Variants in CDYL observed in about 807,000 individuals in gnomAD.
CDYL encodes chromodomain Y like.
In CDYL, 8 loss-of-function variants were observed where a neutral mutation model predicts 47.3. The observed-to-expected ratio is 0.17, with a 90% CI of 0.10 to 0.31. The LOEUF (loss-of-function observed/expected upper bound fraction) is 0.31. Ranked by LOEUF, CDYL falls within the 10% of genes least tolerant of loss-of-function variation. The probability of loss-of-function intolerance (pLI) is 1.00; values close to 1 mark genes in which losing one functional copy is unlikely to be tolerated. For missense variants in CDYL, 471 were observed against 701.4 expected (o/e 0.67, Z 3.71); for synonymous variants, 266 against 265.0 (o/e 1.00, Z -0.04).
At chr6:4,805,133 T>C (rs928476515) in intron 1 of CDYL, among the ~76,000 whole-genome samples, 1 of 152,212 alleles carries the variant, frequency 6.6e-6, no homozygotes, top group African/African-American at 2.4e-5. Flanking sequence ...CTCAAAACAC[T>C]AAAAACTAGT....
intron 1 of CDYL, among the ~76,000 whole-genome samples, chr6:4,888,856 A>T (rs1473908217): frequency 6.6e-6 from 1 of 152,012 alleles, no homozygotes; most frequent in East Asian, 1.9e-4. Flanking sequence ...TGGCCCATTG[A>T]TTATTTAGCA....
intron 2 of CDYL, among the ~76,000 whole-genome samples, chr6:4,934,621 C>T (rs1213531985): frequency 6.6e-6 from 1 of 152,150 alleles, no homozygotes. Flanking sequence ...CATTCATCAC[C>T]ACATTGGATC....
At chr6:4,812,508 C>T (rs975997336) in intron 1 of CDYL, among the ~76,000 whole-genome samples, 2 of 152,190 alleles carry the variant, frequency 1.3e-5, no homozygotes, top group African/African-American at 4.8e-5. Context: ...CAATCTGACT[C>T]TTACTTTGTT....
intron 2 of CDYL, among the ~76,000 whole-genome samples, chr6:4,917,861 G>GTGA (rs1306589855): frequency 6.6e-6 from 1 of 152,222 alleles, no homozygotes; most frequent in Non-Finnish European, 1.5e-5. Flanking sequence ...TCTGCCCTCT[G>GTGA]TGAGGTGAAC....
chr6:4,785,452 A>G (rs1168095751), intron 1 of CDYL, among the ~76,000 whole-genome samples: 1 of 152,214 alleles, frequency 6.6e-6, no homozygotes, highest in Non-Finnish European at 1.5e-5. Flanking sequence ...GTTTGTTGTT[A>G]AAACCCAACA....
intron 1 of CDYL, among the ~76,000 whole-genome samples, chr6:4,794,695 G>A (rs887507095): frequency 5.9e-5 from 9 of 152,222 alleles, no homozygotes; most frequent in African/African-American, 1.2e-4. Flanking sequence ...CTCGTATCTC[G>A]TCTCTCTCAG....
intron 1 of CDYL, among the ~76,000 whole-genome samples, chr6:4,888,069 G>T (rs1261587294): frequency 6.6e-6 from 1 of 151,856 alleles, no homozygotes; most frequent in Non-Finnish European, 1.5e-5. Context: ...GGTCATTTTT[G>T]TATATTGCGG....
intron 1 of CDYL, among the ~76,000 whole-genome samples, chr6:4,805,284 A>C (rs1257994691): frequency 6.6e-6 from 1 of 152,146 alleles, no homozygotes; most frequent in African/African-American, 2.4e-5. Flanking sequence ...TCTGCTCCCC[A>C]TTGGGGGAAA....
chr6:4,946,099 C>T (rs1158636620), intron 5 of CDYL, among the ~76,000 whole-genome samples: 1 of 152,198 alleles, frequency 6.6e-6, no homozygotes, highest in African/African-American at 2.4e-5. Flanking sequence ...TCAGTAGCAA[C>T]AGCGACTGCA....
intron 3 of CDYL, among the ~76,000 whole-genome samples, chr6:4,757,322 A>C (rs1758090456): frequency 1.3e-5 from 2 of 152,210 alleles, no homozygotes; most frequent in African/African-American, 4.8e-5. Context: ...GTGGGTTAAC[A>C]TTTCTTTGCT....
At chr6:4,855,684 GT>G (rs1217183638) in intron 1 of CDYL, among the ~76,000 whole-genome samples, 2 of 152,254 alleles carry the variant, frequency 1.3e-5, no homozygotes, top group Middle Eastern at 3.4e-3. Context: ...TGAAAATGTA[GT>G]TTACATCACA....
chr6:4,867,345 T>C (rs1042936982), intron 1 of CDYL, among the ~76,000 whole-genome samples: 32 of 152,184 alleles, frequency 2.1e-4, no homozygotes, highest in African/African-American at 7.7e-4. Context: ...TTTGTCTTTT[T>C]CTTTACCAAG....
chr6:4,881,381 G>A (rs808627), intron 1 of CDYL, among the ~76,000 whole-genome samples: 7,549 of 152,088 alleles, frequency 0.05, 605 homozygotes, highest in African/African-American at 0.17. Context: ...TTGTAGAGTA[G>A]TGCTTCTGAG....
At chr6:4,848,070 G>A (rs1760713584) in intron 1 of CDYL, among the ~76,000 whole-genome samples, 1 of 152,190 alleles carries the variant, frequency 6.6e-6, no homozygotes, top group Non-Finnish European at 1.5e-5. Flanking sequence ...ACTGGCTTAT[G>A]CTTTTGCTTA....
intron 2 of CDYL, among the ~76,000 whole-genome samples, chr6:4,928,410 C>T (rs1164313929): frequency 6.6e-6 from 1 of 152,044 alleles, no homozygotes; most frequent in Non-Finnish European, 1.5e-5. Context: ...TGTTTATTTT[C>T]TAAATAGTTC....
At chr6:4,783,729 T>A (rs1160215229) in intron 1 of CDYL, among the ~76,000 whole-genome samples, 1 of 152,204 alleles carries the variant, frequency 6.6e-6, no homozygotes, top group African/African-American at 2.4e-5. Flanking sequence ...AAGACTGTTG[T>A]CAGCATAGGT....
intron 2 of CDYL, among the ~76,000 whole-genome samples, chr6:4,934,013 G>A (rs1270656466): frequency 6.6e-6 from 1 of 152,216 alleles, no homozygotes; most frequent in African/African-American, 2.4e-5. Context: ...GAATAACCAT[G>A]AGATGTAACA....
Position 4,776,516 on chromosome 6 carries a change from C to T in CDYL, c.-268C>T, listed in dbSNP as rs1244841990. 6 of 143,648 alleles carry T rather than the reference C, an allele frequency of 4.2e-5. No individual in the cohort carries two copies. The South Asian group carries it at 9.7e-4, about 23-fold the overall frequency. The allele number at this position is 143,648 out of a possible 1,614,324, so 8.9% of individuals were successfully genotyped here. On this transcript the variant is annotated 5_prime_UTR_variant, in exon 1 of 7. Transcript: ENST00000397588. ...GCCCGCCCGGCCCCGCGGCGGGGCGCGATGAGCCCGAGCGCGAGCCGGCCC... is the reference window on the plus strand; with the variant it reads ...GCCCGCCCGGCCCCGCGGCGGGGCGTGATGAGCCCGAGCGCGAGCCGGCCC...
rs139952642 is a variant in CDYL, at chr6:4,831,195, G to A, written c.24+54388G>A. Among the ~76,000 whole-genome samples the A allele has an allele frequency of 4.1e-3, 623 of 152,170 alleles. 4 individuals carry two copies. Among genetic ancestry groups the A allele is most frequent in the African/African-American group, 0.014 (596 of 41,536 alleles). Reference sequence around the variant, plus strand: ...AATTAATGCCTAGGTTTTCTTCTAGGGTTTTTATGGTTTTAGGTCTAACAT... The same window carrying A: ...AATTAATGCCTAGGTTTTCTTCTAGAGTTTTTATGGTTTTAGGTCTAACAT... On this transcript the variant is annotated intron_variant, in intron 1 of 6. Transcript: ENST00000397588.
Sources: allele counts gnomAD v4.1 joint callset (sites outside exome capture counted in the v4.1 genomes callset), GRCh38; gene constraint gnomAD v4.1.1; transcripts MANE v1.5; gene names NCBI Gene and HGNC (gene_info 2026-07-23, HGNC 2026-07-21).